The following RAD23B variants were observed in gnomAD, a reference collection of about 807,000 sequenced individuals.
The protein encoded by RAD23B is lysine-specific demethylase RAD23B.
RAD23B carries 5 observed loss-of-function variants against 49.1 expected under a neutral mutation model. The ratio of observed to expected loss-of-function variants is 0.10; its 90% CI spans 0.05 to 0.21. The LOEUF is 0.21. RAD23B is among the 10% of genes least tolerant of loss of function. RAD23B has a pLI of 1.00. For synonymous variants in RAD23B, 184 were observed against 165.4 expected (o/e 1.11, Z -0.86); for missense variants, 356 against 486.7 (o/e 0.73, Z 2.53).
At chr9:107,328,956 A>C (rs1283147333) in intron 9 of RAD23B, among the ~76,000 whole-genome samples, 1 of 152,218 alleles carries the variant, frequency 6.6e-6, no homozygotes, top group African/African-American at 2.4e-5. Context: ...ATAGAACATT[A>C]TCTTCAAAAT....
At position 107,283,446 on chromosome 9, in the gene RAD23B, G is replaced by T; in HGVS notation, c.-184G>T. On this transcript the variant is annotated 5_prime_UTR_variant, in exon 1 of 10. Coordinates refer to ENST00000358015, the MANE Select transcript of RAD23B (RefSeq NM_002874.5). ...GCCGCAGTCGCGGAGGCAGCGGCGC[G>T]GTCCGGGGCACGGGCTGGGGGAGAG... 1 of 444,216 alleles carries T rather than the reference G, an allele frequency of 2.3e-6. No individual in the cohort carries two copies. 27.5% of individuals were successfully genotyped at this position (444,216 alleles called of 1,614,324 possible). A position where few individuals can be genotyped will look rare whatever the true frequency, so the allele number is the denominator to read the frequency against.
chr9:107,328,165 C>T (rs1827244375), intron 9 of RAD23B, among the ~76,000 whole-genome samples: 1 of 152,158 alleles, frequency 6.6e-6, no homozygotes, highest in Non-Finnish European at 1.5e-5. Flanking sequence ...ACCCAGATAA[C>T]AAACTGATTT....
intron 4 of RAD23B, 49 bp downstream of exon 4, chr9:107,306,696 G>T: frequency 6.5e-7 from 1 of 1,545,334 alleles, no homozygotes; most frequent in Non-Finnish European, 8.8e-7. Context: ...GTGTTTAACA[G>T]GAACTTCATG....
chr9:107,283,722 C>T, intron 1 of RAD23B, 27 bp downstream of exon 1: 2 of 1,420,022 alleles, frequency 1.4e-6, no homozygotes, highest in Admixed American at 2.8e-5. Flanking sequence ...GGGGCAGGGG[C>T]AGCCGCGTGC....
chr9:107,292,150 CAT>C (rs775740960), intron 1 of RAD23B, among the ~76,000 whole-genome samples: 1 of 150,916 alleles, frequency 6.6e-6, no homozygotes, highest in Non-Finnish European at 1.5e-5. Context: ...TTTCCTCAAA[CAT>C]AGTTATAAAT....
chr9:107,317,503 T>A (rs1441503738), intron 5 of RAD23B, among the ~76,000 whole-genome samples: 1 of 152,016 alleles, frequency 6.6e-6, no homozygotes, highest in African/African-American at 2.4e-5. Context: ...ATGGCTGTGA[T>A]GAGAAGACAG....
At position 107,283,711 on chromosome 9, in the gene RAD23B, G is replaced by T; in HGVS notation, c.66+16G>T. ...CGAGGAGACGGTATGCGCGCGGGCCGGGGGCAGGGGCAGCCGCGTGCGGGC... is the reference window on the plus strand; with the variant it reads ...CGAGGAGACGGTATGCGCGCGGGCCTGGGGCAGGGGCAGCCGCGTGCGGGC... On this transcript the variant is annotated intron_variant, in intron 1 of 9. Coordinates refer to ENST00000358015, the MANE Select transcript of RAD23B (RefSeq NM_002874.5). 6.9e-7 allele frequency: 1 copy of T among 1,448,204 alleles called. No individual in the cohort carries two copies. Among genetic ancestry groups the T allele is most frequent in the Non-Finnish European group, 9.1e-7 (1 of 1,094,104 alleles). The allele number at this position is 1,448,204 out of a possible 1,614,324, so 89.7% of individuals were successfully genotyped here.
intron 4 of RAD23B, 86 bp from the exon 5 acceptor site, chr9:107,311,596 G>C: frequency 1.1e-6 from 1 of 875,962 alleles, no homozygotes; most frequent in South Asian, 1.8e-5. Context: ...CAAAGAATCT[G>C]TTTACCAATT....
chr9:107,325,657 A>AT (rs1241800962), intron 9 of RAD23B, among the ~76,000 whole-genome samples: 1 of 152,098 alleles, frequency 6.6e-6, no homozygotes, highest in East Asian at 1.9e-4. Flanking sequence ...GTTCATTAGG[A>AT]TTTTCCATAT....
At chr9:107,311,382 C>A (rs1440465877) in intron 4 of RAD23B, among the ~76,000 whole-genome samples, 1 of 151,986 alleles carries the variant, frequency 6.6e-6, no homozygotes, top group African/African-American at 2.4e-5. Context: ...AATAATTGTG[C>A]ATTATCTTTT....
rs146185541 is a variant in RAD23B, at chr9:107,297,614, A to G, written c.67-2527A>G. Among the ~76,000 whole-genome samples, 678 of 152,290 alleles carry G rather than the reference A, an allele frequency of 4.5e-3. 8 individuals carry two copies. Among genetic ancestry groups the G allele is most frequent in the African/African-American group, 0.015 (633 of 41,554 alleles). Reference sequence around the variant, plus strand: ...TTGGCCTCCCAAAGTATGGGATTACAGGCGTGAACCACTGTGCCCAGCCTT... The same window carrying G: ...TTGGCCTCCCAAAGTATGGGATTACGGGCGTGAACCACTGTGCCCAGCCTT... On this transcript the variant is annotated intron_variant, in intron 1 of 9. Transcript: ENST00000358015.
intron 1 of RAD23B, among the ~76,000 whole-genome samples, chr9:107,294,115 A>G (rs777946788): frequency 1.1e-4 from 17 of 152,230 alleles, no homozygotes; most frequent in Non-Finnish European, 2.4e-4. Context: ...GGGAATAATT[A>G]GATGGTAAGT....
chr9:107,302,687 G>A (rs1450488206), intron 3 of RAD23B, among the ~76,000 whole-genome samples: 1 of 145,866 alleles, frequency 6.9e-6, no homozygotes, highest in Non-Finnish European at 1.5e-5. Flanking sequence ...ACGGAGTCTC[G>A]CTCTGTTGCC....
At chr9:107,327,241 C>G (rs1330124803) in intron 9 of RAD23B, among the ~76,000 whole-genome samples, 1 of 146,992 alleles carries the variant, frequency 6.8e-6, no homozygotes, top group African/African-American at 2.4e-5. Flanking sequence ...TATTGTTTTT[C>G]TAGTCTTTTG....
chr9:107,331,834 G>T lies in RAD23B; in HGVS notation c.*2178G>T, dbSNP rs1027081264. 1 of 630,982 alleles carries T rather than the reference G, an allele frequency of 1.6e-6. No homozygotes were observed. The highest frequency in any genetic ancestry group is 2.9e-6 in the Non-Finnish European group (1 of 345,734). 39.1% of individuals were successfully genotyped at this position (630,982 alleles called of 1,614,324 possible). ...TTTTGATCGTTCCATACAGTACCTT[G>T]TTTATCTGCTTCTTAAAGAATCAGC... On this transcript the variant is annotated 3_prime_UTR_variant, in exon 10 of 10. Coordinates refer to ENST00000358015, the MANE Select transcript of RAD23B (RefSeq NM_002874.5).
At chr9:107,319,904 T>C (rs907089711) in intron 6 of RAD23B, among the ~76,000 whole-genome samples, 1 of 152,252 alleles carries the variant, frequency 6.6e-6, no homozygotes. Context: ...CTCAGACTTC[T>C]ATAATTGTCT....
intron 1 of RAD23B, among the ~76,000 whole-genome samples, chr9:107,286,495 A>G (rs1297979283): frequency 6.6e-6 from 1 of 152,216 alleles, no homozygotes; most frequent in Non-Finnish European, 1.5e-5. Context: ...CTTGACTATT[A>G]CTGTGATACA....
At chr9:107,301,888 G>T in intron 2 of RAD23B, 147 bp from the exon 3 acceptor site, 1 of 1,185,054 alleles carries the variant, frequency 8.4e-7, no homozygotes, top group Non-Finnish European at 1.1e-6. Context: ...TTTTTCTTTG[G>T]GAAAAGTATT....
Position 107,324,866 on chromosome 9 carries a change from G to C in RAD23B, c.978G>C (p.Gln326His), listed in dbSNP as rs1477360038. 6.2e-7 allele frequency: 1 copy of C among 1,612,250 alleles called. No individual in the cohort carries two copies. The highest frequency in any genetic ancestry group is 8.5e-7 in the Non-Finnish European group (1 of 1,179,726). Reference sequence around the variant, plus strand: ...GCCAACACCAGGAGCATTTTATTCAGATGTTAAATGAACCAGTTCAAGAAG... The same window carrying C: ...GCCAACACCAGGAGCATTTTATTCACATGTTAAATGAACCAGTTCAAGAAG... ...QISQHQEHFI[Q>H]MLNEPVQEAG... Residue 326 changes from glutamine to histidine, a missense_variant, in exon 9 of 10, where the codon CAG (glutamine) becomes CAC (histidine). Transcript: ENST00000358015.
Sources: allele counts gnomAD v4.1 joint callset (sites outside exome capture counted in the v4.1 genomes callset), GRCh38; gene constraint gnomAD v4.1.1; transcripts MANE v1.5; gene names NCBI Gene and HGNC (gene_info 2026-07-23, HGNC 2026-07-21).